Variants in RSF1 observed in about 807,000 individuals in gnomAD.
RSF1 encodes the protein remodeling and spacing factor 1, also known as HBV pX-associated protein 8.
Under a neutral mutation model 145.2 loss-of-function variants are expected in RSF1, and 13 were observed. The observed-to-expected ratio is 0.09, with a 90% CI of 0.06 to 0.14. The LOEUF (loss-of-function observed/expected upper bound fraction) is 0.14. Ranked by LOEUF, RSF1 falls within the 10% of genes least tolerant of loss-of-function variation. The pLI is 1.00. For missense variants in RSF1, 1,517 were observed against 1,718.2 expected (o/e 0.88, Z 2.07); for synonymous variants, 577 against 592.6 (o/e 0.97, Z 0.38).
At chr11:77,852,857 T>G in the RSF1 span, among the ~76,000 whole-genome samples, 1 of 152,216 alleles carries the variant, frequency 6.6e-6, no homozygotes, top group African/African-American at 2.4e-5. Flanking sequence ...ATGATATCAG[T>G]TCATAGAGAT....
chr11:77,779,376 TA>T (rs201254008), intron 1 of RSF1, among the ~76,000 whole-genome samples: 2 of 147,872 alleles, frequency 1.4e-5, no homozygotes, highest in Admixed American at 6.9e-5. Flanking sequence ...TTGCTATTTC[TA>T]AAAAAAATTT....
chr11:77,822,193 A>T (rs1356914038), upstream of RSF1, among the ~76,000 whole-genome samples: 1 of 152,000 alleles, frequency 6.6e-6, no homozygotes, highest in East Asian at 1.9e-4. Flanking sequence ...TAATCCCAAC[A>T]CTTTGGGAAA....
the RSF1 span, among the ~76,000 whole-genome samples, chr11:77,845,444 T>TGG: frequency 7.6e-3 from 1,152 of 151,814 alleles, 5 homozygotes; most frequent in Non-Finnish European, 0.013. Flanking sequence ...TTTTTTTTGG[T>TGG]GGGGGGGATA....
the RSF1 span, among the ~76,000 whole-genome samples, chr11:77,826,760 AACTC>A: frequency 2.0e-5 from 3 of 152,336 alleles, no homozygotes; most frequent in Middle Eastern, 3.4e-3. Flanking sequence ...GAACTATGGA[AACTC>A]ACTCAAGAAC....
intron 2 of RSF1, among the ~76,000 whole-genome samples, chr11:77,759,000 TTCTA>T (rs1305323522): frequency 3.9e-5 from 6 of 152,232 alleles, no homozygotes; most frequent in Non-Finnish European, 7.3e-5. Flanking sequence ...TCTTCTGGTT[TTCTA>T]TCTAAGAATC....
At chr11:77,740,987 T>C (rs1947928839) in intron 3 of RSF1, 51 bp from the exon 4 acceptor site, 1 of 1,310,096 alleles carries the variant, frequency 7.6e-7, no homozygotes, top group South Asian at 1.2e-5. Flanking sequence ...TATTTCTCCA[T>C]CACAGTAAAT....
At chr11:77,739,658 A>G (rs1961458611) in intron 4 of RSF1, 1 of 152,232 alleles carries the variant, frequency 6.6e-6, no homozygotes, top group African/African-American at 2.4e-5. Flanking sequence ...CAAAAAACAG[A>G]TATGAGTTAA....
rs950194029 is a variant in RSF1, at chr11:77,740,880, C to T, written c.429G>A (p.Glu143=). The T allele has an allele frequency of 1.9e-6, 3 of 1,614,126 alleles. No homozygotes were observed. Among genetic ancestry groups the T allele is most frequent in the Non-Finnish European group, 2.5e-6 (3 of 1,180,008 alleles). Residue 143 remains glutamate (E), a synonymous_variant, in exon 4 of 16, where the codon GAG becomes GAA. Coordinates refer to ENST00000308488, the MANE Select transcript of RSF1 (RefSeq NM_016578.4). ...GGAGACGCATAGTATCGGCATCCTCCTCATTAATAATATTCTTGAATTTGA... is the reference window on the plus strand; with the variant it reads ...GGAGACGCATAGTATCGGCATCCTCTTCATTAATAATATTCTTGAATTTGA... ...DNLKFKNIIN[E]EDADTMRLQP...
the RSF1 span, among the ~76,000 whole-genome samples, chr11:77,862,804 G>C: frequency 6.4e-4 from 97 of 152,328 alleles, 2 homozygotes; most frequent in South Asian, 0.018. Context: ...CAGGAGGCCA[G>C]GTTTCTCCCC....
chr11:77,853,044 G>C, the RSF1 span, among the ~76,000 whole-genome samples: 1 of 152,046 alleles, frequency 6.6e-6, no homozygotes, highest in South Asian at 2.1e-4. Flanking sequence ...TGTATATCCA[G>C]GGTAAATTTT....
At chr11:77,772,975 T>C (rs754824810) in intron 1 of RSF1, among the ~76,000 whole-genome samples, 2 of 152,142 alleles carry the variant, frequency 1.3e-5, no homozygotes, top group African/African-American at 2.4e-5. Context: ...ACCTAACTTA[T>C]GAATCAAACC....
chr11:77,761,870 G>A (rs539043502), intron 2 of RSF1, among the ~76,000 whole-genome samples: 13 of 126,442 alleles, frequency 1.0e-4, no homozygotes, highest in African/African-American at 3.1e-4. Flanking sequence ...TCACTCTGTC[G>A]CCCAGGCTGG....
the RSF1 span, among the ~76,000 whole-genome samples, chr11:77,846,025 T>C: frequency 6.6e-6 from 1 of 152,076 alleles, no homozygotes; most frequent in Non-Finnish European, 1.5e-5. Flanking sequence ...TTTTGAGAAC[T>C]GGACATTTTA....
intron 5 of RSF1, among the ~76,000 whole-genome samples, chr11:77,715,101 G>A (rs1843161006): frequency 6.6e-6 from 1 of 152,026 alleles, no homozygotes; most frequent in Non-Finnish European, 1.5e-5. Context: ...TCTATCCTGG[G>A]CAATTGAGCA....
At chr11:77,801,128 A>T (rs541073932) in intron 1 of RSF1, among the ~76,000 whole-genome samples, 6 of 152,310 alleles carry the variant, frequency 3.9e-5, no homozygotes, top group Admixed American at 2.6e-4. Flanking sequence ...CCTTGTATAT[A>T]TAAGAATACA....
At chr11:77,787,942 A>G (rs1019077749) in intron 1 of RSF1, among the ~76,000 whole-genome samples, 7 of 151,632 alleles carry the variant, frequency 4.6e-5, no homozygotes, top group Admixed American at 4.6e-4. Flanking sequence ...GAGTCTGGGC[A>G]ACACAGTGAA....
chr11:77,701,400 ACTT>A lies in RSF1; in HGVS notation c.1826_1828del (p.Glu609del), dbSNP rs762043758. ...TTCTGACTCTAGAGTACTCTTTGGA[ACTT>A]CTTCTGGTATTGGACTCAATCTTTG... is the stretch of plus-strand genomic sequence containing the variant. On this transcript the variant is annotated inframe_deletion, in exon 6 of 16. Transcript: ENST00000308488. The A allele has an allele frequency of 8.1e-6, 13 of 1,613,850 alleles. No individual in the cohort carries two copies. The highest frequency in any genetic ancestry group is 3.3e-5 in the Admixed American group (2 of 59,980).
intron 5 of RSF1, among the ~76,000 whole-genome samples, chr11:77,705,720 CTA>C (rs1379694221): frequency 6.6e-6 from 1 of 152,060 alleles, no homozygotes; most frequent in Non-Finnish European, 1.5e-5. Context: ...GGTCCAGATT[CTA>C]TACACAATAC....
chr11:77,783,863 G>A lies in RSF1; in HGVS notation c.188-19174C>T, dbSNP rs147310609. Among the ~76,000 whole-genome samples, 761 of 151,942 alleles carry A rather than the reference G, an allele frequency of 5.0e-3. 9 individuals are homozygous for A. The highest frequency in any genetic ancestry group is 0.017 in the African/African-American group (709 of 41,448). ...TTTCAAAAAAAAAAAGTTACTTATC[G>A]CCTAGTTTGTATAGTTTCCAACAAA... On this transcript the variant is annotated intron_variant, in intron 1 of 15. Coordinates refer to ENST00000308488, the MANE Select transcript of RSF1 (RefSeq NM_016578.4).
Sources: gnomAD v4.1 joint callset for allele counts (sites outside exome capture counted in the v4.1 genomes callset) on GRCh38, gnomAD v4.1.1 for gene constraint, MANE v1.5 for transcripts, NCBI Gene and HGNC (gene_info 2026-07-23, HGNC 2026-07-21) for gene names.